Variants in GPRIN3 observed in about 807,000 individuals in gnomAD.
The protein encoded by GPRIN3 is GPRIN family member 3.
In GPRIN3, 12 loss-of-function variants were observed where a neutral mutation model predicts 13.7. The ratio of observed to expected loss-of-function variants is 0.87; its 90% CI spans 0.56 to 1.42. The LOEUF is 1.42. Among genes scored for constraint, GPRIN3 ranks in the 40% most tolerant of loss-of-function variants. The probability of loss-of-function intolerance (pLI) is 0.00; values close to 1 mark genes in which losing one functional copy is unlikely to be tolerated. For missense variants in GPRIN3, 1,009 were observed against 958.7 expected (o/e 1.05, Z -0.69); for synonymous variants, 377 against 372.7 (o/e 1.01, Z -0.13).
At chr4:89,300,031 C>T (rs969583293) in intron 1 of GPRIN3, among the ~76,000 whole-genome samples, 4 of 151,760 alleles carry the variant, frequency 2.6e-5, no homozygotes, top group East Asian at 1.9e-4. Context: ...TGAAAAACTC[C>T]GTTATTCTTT....
In GPRIN3 at chr4:89,245,808, G is replaced by A. The variant is rs1296976615; in HGVS notation, c.*1972C>T. ...GGTATTTAAGGCCCAAAGAGAGAGT[G>A]TTAGGCTAAATCTCTAATCATTAAT... On this transcript the variant is annotated 3_prime_UTR_variant, in exon 2 of 2. Transcript: ENST00000609438. 3 of 152,100 alleles carry A rather than the reference G, an allele frequency of 2.0e-5. No homozygotes were observed. Among genetic ancestry groups the A allele is most frequent in the Non-Finnish European group, 4.4e-5 (3 of 68,030 alleles). The allele number at this position is 152,100 out of a possible 1,614,324, so 9.4% of individuals were successfully genotyped here.
At chr4:89,272,156 A>G (rs1262978914) in intron 1 of GPRIN3, among the ~76,000 whole-genome samples, 1 of 152,202 alleles carries the variant, frequency 6.6e-6, no homozygotes, top group African/African-American at 2.4e-5. Context: ...CTGTTACAGC[A>G]GCCTGAAAGG....
chr4:89,248,200 G>A lies in GPRIN3; in HGVS notation c.1911C>T (p.Arg637=), dbSNP rs533986307. 5.4e-5 allele frequency: 87 copies of A among 1,614,186 alleles called. No individual in the cohort carries two copies. The Admixed American group carries it at 6.2e-4, about 11-fold the overall frequency. Reference sequence around the variant, plus strand: ...TTTGCTCCTTGAGGAACTCGCTGACGCGGCTGGGCCTGCGTGGGCTGGCTT... The same window carrying A: ...TTTGCTCCTTGAGGAACTCGCTGACACGGCTGGGCCTGCGTGGGCTGGCTT... ...SVKASPRRPS[R]VSEFLKEQKL... The change falls in exon 2 of 2, where the codon CGC becomes CGT. Residue 637 remains arginine, a synonymous_variant. Coordinates refer to ENST00000609438, the MANE Select transcript of GPRIN3 (RefSeq NM_198281.3).
intron 1 of GPRIN3, among the ~76,000 whole-genome samples, chr4:89,277,175 T>C (rs573239318): frequency 1.8e-4 from 28 of 152,300 alleles, no homozygotes; most frequent in Middle Eastern, 6.8e-3. Flanking sequence ...TTTGGGGTCA[T>C]GGCTGGCTTC....
intron 1 of GPRIN3, among the ~76,000 whole-genome samples, chr4:89,283,036 C>T (rs745373066): frequency 3.3e-5 from 5 of 152,116 alleles, no homozygotes; most frequent in South Asian, 2.1e-4. Context: ...CTAAAAAGAC[C>T]GATTGTTATT....
intron 1 of GPRIN3, among the ~76,000 whole-genome samples, chr4:89,275,921 G>A (rs564352418): frequency 6.6e-6 from 1 of 152,252 alleles, no homozygotes; most frequent in South Asian, 2.1e-4. Flanking sequence ...GTTTTATGTG[G>A]AGCTCCCAGT....
intron 1 of GPRIN3, among the ~76,000 whole-genome samples, chr4:89,257,666 C>A (rs1423167778): frequency 6.6e-6 from 1 of 152,142 alleles, no homozygotes; most frequent in Admixed American, 6.5e-5. Flanking sequence ...ACATTGTTAA[C>A]CAGTTTTACA....
chr4:89,297,893 T>TCTTAAAATACA (rs1249350102), intron 1 of GPRIN3, among the ~76,000 whole-genome samples: 1 of 152,156 alleles, frequency 6.6e-6, no homozygotes, highest in Non-Finnish European at 1.5e-5. Flanking sequence ...CCTTAAGCAG[T>TCTTAAAATACA]CTTAAAATAC....
At chr4:89,275,832 G>A (rs906099736) in intron 1 of GPRIN3, among the ~76,000 whole-genome samples, 2 of 152,138 alleles carry the variant, frequency 1.3e-5, no homozygotes, top group African/African-American at 4.8e-5. Context: ...CTGGGATACC[G>A]ATCAGATGGG....
chr4:89,291,155 C>T (rs7670949), intron 1 of GPRIN3, among the ~76,000 whole-genome samples: 3,457 of 152,246 alleles, frequency 0.023, 56 homozygotes, highest in Non-Finnish European at 0.036. Context: ...ACGCTATATT[C>T]CTGACCATGA....
chr4:89,244,402 A>C lies in GPRIN3; in HGVS notation c.*3378T>G, dbSNP rs898274155. The stretch of plus-strand genomic sequence containing the variant: ...ATTATCAAAGATCAAATTACATTCA[A>C]TATAGGTGAACTTATCAAGGCAGGA... On this transcript the variant is annotated 3_prime_UTR_variant, in exon 2 of 2. Coordinates refer to ENST00000609438, the MANE Select transcript of GPRIN3 (RefSeq NM_198281.3). 6.6e-6 allele frequency: 1 copy of C among 152,230 alleles called. No homozygotes were observed. The highest frequency in any genetic ancestry group is 1.5e-5 in the Non-Finnish European group (1 of 68,028). The allele number at this position is 152,230 out of a possible 1,614,324, so 9.4% of individuals were successfully genotyped here. A position where few individuals can be genotyped will look rare whatever the true frequency, so the allele number is the denominator to read the frequency against.
rs187345971 is a variant in GPRIN3, at chr4:89,264,183, C to A, written c.-123-13950G>T. ...TGTGTTTAGGTCATGGGGGTGGATT[C>A]CTTGTGAATAATGTCTTCCCTTGCA... On this transcript the variant is annotated intron_variant, in intron 1 of 1. Transcript: ENST00000609438. Among the ~76,000 whole-genome samples, 185 of 152,242 alleles carry A rather than the reference C, an allele frequency of 1.2e-3. 1 individual carries two copies. Among genetic ancestry groups the A allele is most frequent in the Middle Eastern group, 3.4e-3 (1 of 294 alleles).
intron 1 of GPRIN3, among the ~76,000 whole-genome samples, chr4:89,259,795 G>A (rs1578082642): frequency 6.6e-6 from 1 of 152,076 alleles, no homozygotes. Context: ...ATGCAGAGGC[G>A]GACACCTAAG....
At chr4:89,305,316 C>A (rs1725005871) in intron 1 of GPRIN3, among the ~76,000 whole-genome samples, 1 of 152,152 alleles carries the variant, frequency 6.6e-6, no homozygotes, top group South Asian at 2.1e-4. Flanking sequence ...TTCTCTCCAC[C>A]TCTACCCTGG....
At chr4:89,286,091 G>GTA (rs35444036) in intron 1 of GPRIN3, among the ~76,000 whole-genome samples, 6,690 of 146,646 alleles carry the variant, frequency 0.046, 174 homozygotes, top group South Asian at 0.068. Context: ...ATGTGTGTGT[G>GTA]TATATATATA....
rs1468097033 is a variant in GPRIN3, at chr4:89,239,473, CTA to C, written c.*8305_*8306del. The stretch of plus-strand genomic sequence containing the variant: ...TTATTAGTTAAAAAACACTGCCACT[CTA>C]GTTGTAATTGTAGTGTTCTTATAGC... On this transcript the variant is annotated 3_prime_UTR_variant, in exon 2 of 2. Coordinates refer to ENST00000609438, the MANE Select transcript of GPRIN3 (RefSeq NM_198281.3). 6.6e-6 allele frequency: 1 copy of C among 152,162 alleles called. No homozygotes were observed. Among genetic ancestry groups the C allele is most frequent in the Non-Finnish European group, 1.5e-5 (1 of 68,026 alleles). The allele number at this position is 152,162 out of a possible 1,614,324, so 9.4% of individuals were successfully genotyped here. A position where few individuals can be genotyped will look rare whatever the true frequency, so the allele number is the denominator to read the frequency against.
At position 89,239,312 on chromosome 4, in the gene GPRIN3, T is replaced by A. The variant is rs183285315; in HGVS notation, c.*8468A>T. The A allele has an allele frequency of 3.0e-4, 45 of 152,294 alleles. No individual in the cohort carries two copies. The East Asian group carries it at 8.5e-3, about 29-fold the overall frequency. 9.4% of individuals were successfully genotyped at this position (152,294 alleles called of 1,614,324 possible). The stretch of plus-strand genomic sequence containing the variant: ...CATATTGAAAACTGCAATTTTTAAG[T>A]TATAATTTTTCTGGGTATTATTCAA... On this transcript the variant is annotated 3_prime_UTR_variant, in exon 2 of 2. Transcript: ENST00000609438.
rs1241387853 is a variant in GPRIN3, at chr4:89,249,330, T to C, written c.781A>G (p.Thr261Ala). 2 of 1,614,108 alleles carry C rather than the reference T, an allele frequency of 1.2e-6. No individual in the cohort carries two copies. Among genetic ancestry groups the C allele is most frequent in the Non-Finnish European group, 1.7e-6 (2 of 1,180,008 alleles). Reference sequence around the variant, plus strand: ...GGGGTTGGTTGAGGTGTCACAGAAGTTGTGCCTTGGGGGCCCGAGGCAGTG... The same window carrying C: ...GGGGTTGGTTGAGGTGTCACAGAAGCTGTGCCTTGGGGGCCCGAGGCAGTG... ...SVTASGPQGT[T>A]SVTPQPTPLT... is the part of the protein sequence containing the mutation. The change falls in exon 2 of 2, where the codon ACT (threonine) becomes GCT (alanine). Residue 261 changes from threonine to alanine, a missense_variant. By Grantham distance (58) the Thr-to-Ala change is moderately conservative (BLOSUM62 0). Coordinates refer to ENST00000609438, the MANE Select transcript of GPRIN3 (RefSeq NM_198281.3).
Position 89,243,061 on chromosome 4 carries a change from G to A in GPRIN3, c.*4719C>T, listed in dbSNP as rs1367811391. The A allele has an allele frequency of 6.6e-6, 1 of 152,152 alleles. No individual in the cohort carries two copies. The highest frequency in any genetic ancestry group is 2.4e-5 in the African/African-American group (1 of 41,430). The allele number at this position is 152,152 out of a possible 1,614,324, so 9.4% of individuals were successfully genotyped here. ...GTTCACAGTTAAAAGTAGCTGTAAT[G>A]ACCTCTGGCAGATGTCACTGATCAC... is the stretch of plus-strand genomic sequence containing the variant. On this transcript the variant is annotated 3_prime_UTR_variant, in exon 2 of 2. Coordinates refer to ENST00000609438, the MANE Select transcript of GPRIN3 (RefSeq NM_198281.3).
Sources: allele counts gnomAD v4.1 joint callset (sites outside exome capture counted in the v4.1 genomes callset), GRCh38; gene constraint gnomAD v4.1.1; transcripts MANE v1.5; gene names NCBI Gene and HGNC (gene_info 2026-07-23, HGNC 2026-07-21).